Variants in PDE1C observed in about 807,000 individuals in gnomAD.
PDE1C encodes the protein phosphodiesterase 1C.
In PDE1C, 62 loss-of-function variants were observed where a neutral mutation model predicts 93.1. The observed-to-expected ratio is 0.67, with a 90% confidence interval of 0.54 to 0.82. The LOEUF is 0.82. Ranked by LOEUF, PDE1C falls within the 40% of genes least tolerant of loss-of-function variation. The pLI is 0.00. For synonymous variants in PDE1C, 325 were observed against 310.1 expected (o/e 1.05, Z -0.50); for missense variants, 742 against 884.6 (o/e 0.84, Z 2.04).
chr7:32,135,204 C>T (rs1171880886), intron 3 of PDE1C, among the ~76,000 whole-genome samples: 1 of 152,138 alleles, frequency 6.6e-6, no homozygotes, highest in East Asian at 1.9e-4. Flanking sequence ...ATAGAGAAAA[C>T]TGCATTTACC....
At chr7:31,946,924 G>C (rs986229476) in intron 2 of PDE1C, among the ~76,000 whole-genome samples, 10 of 152,182 alleles carry the variant, frequency 6.6e-5, no homozygotes, top group Non-Finnish European at 1.5e-4. Context: ...TATCAGGCAG[G>C]AGGAACTGAA....
At chr7:31,832,936 T>C (rs1440968368) in intron 11 of PDE1C, among the ~76,000 whole-genome samples, 1 of 152,178 alleles carries the variant, frequency 6.6e-6, no homozygotes, top group African/African-American at 2.4e-5. Context: ...CCTTTCGCCA[T>C]GGACCAAATA....
At chr7:32,102,699 A>C (rs954587212) in intron 3 of PDE1C, among the ~76,000 whole-genome samples, 6 of 152,230 alleles carry the variant, frequency 3.9e-5, no homozygotes, top group African/African-American at 1.4e-4. Flanking sequence ...AAAGGCACAA[A>C]GGATGACTTT....
intron 2 of PDE1C, among the ~76,000 whole-genome samples, chr7:31,975,276 G>T (rs541828362): frequency 6.6e-6 from 1 of 152,184 alleles, no homozygotes; most frequent in African/African-American, 2.4e-5. Flanking sequence ...TGACTTTCTG[G>T]GTAGAATTGG....
chr7:31,930,211 A>T lies in PDE1C; in HGVS notation c.129-49351T>A, dbSNP rs532147316. ...ACATACACCCTCCCAGGACTAAAAC[A>T]GGAGGAAGTCCCTGAATAGACCAAT... On this transcript the variant is annotated intron_variant, in intron 2 of 17. Coordinates refer to ENST00000396191, the MANE Select transcript of PDE1C (RefSeq NM_001191057.4). Among the ~76,000 whole-genome samples the T allele has an allele frequency of 2.6e-5, 4 of 152,260 alleles. No homozygotes were observed. In the East Asian group the frequency reaches 7.7e-4, roughly 29 times the overall value.
chr7:31,721,113 G>C, the PDE1C span, among the ~76,000 whole-genome samples: 1 of 152,272 alleles, frequency 6.6e-6, no homozygotes, highest in African/African-American at 2.4e-5. Flanking sequence ...CTTGGCAAAA[G>C]GGAGAACATT....
rs116972359 is a variant in PDE1C, at chr7:32,395,067, G to A, written c.310+32755C>T. ...GCCTCAGGTATTCCTTTAGAGCAAC[G>A]GCAAAATGAATTGAGACAACTGCGA... On this transcript the variant is annotated intron_variant, in intron 1 of 1. Coordinates refer to the PDE1C transcript ENST00000672256. Among the ~76,000 whole-genome samples, 1,367 of 152,190 alleles carry A rather than the reference G, an allele frequency of 9.0e-3. 14 individuals are homozygous for A. Among genetic ancestry groups the A allele is most frequent in the Non-Finnish European group, 0.012 (817 of 68,004 alleles).
chr7:32,394,504 C>T (rs894124988), intron 1 of PDE1C, among the ~76,000 whole-genome samples: 1 of 152,130 alleles, frequency 6.6e-6, no homozygotes, highest in African/African-American at 2.4e-5. Context: ...TCCTGTGAGA[C>T]CTGGTTATTA....
chr7:32,200,125 G>A (rs1007971023), intron 2 of PDE1C, among the ~76,000 whole-genome samples: 3 of 152,090 alleles, frequency 2.0e-5, no homozygotes, highest in East Asian at 1.9e-4. Context: ...AAGGACACTC[G>A]ACCTGCATCT....
At chr7:32,372,923 T>G (rs1468600689) in intron 1 of PDE1C, among the ~76,000 whole-genome samples, 1 of 152,208 alleles carries the variant, frequency 6.6e-6, no homozygotes, top group Non-Finnish European at 1.5e-5. Flanking sequence ...CCACTGCATA[T>G]CCACAAAGAT....
intron 3 of PDE1C, among the ~76,000 whole-genome samples, chr7:32,132,529 G>T (rs1799977626): frequency 6.6e-6 from 1 of 152,052 alleles, no homozygotes; most frequent in Non-Finnish European, 1.5e-5. Flanking sequence ...AGCCGGGTGT[G>T]GTGGCACATG....
chr7:31,678,916 T>C, the PDE1C span, among the ~76,000 whole-genome samples: 1 of 152,194 alleles, frequency 6.6e-6, no homozygotes, highest in African/African-American at 2.4e-5. Context: ...GTTACAGATA[T>C]GCAAAATTGA....
rs371694230 is a variant in PDE1C, at chr7:31,894,448, T to A, written c.129-13588A>T. Reference sequence around the variant, plus strand: ...GTAAATAGAACAAAATAAGCATATTTGCTGGAAGTGAGGCTGGTCTTTAAA... The same window carrying A: ...GTAAATAGAACAAAATAAGCATATTAGCTGGAAGTGAGGCTGGTCTTTAAA... On this transcript the variant is annotated intron_variant, in intron 2 of 17. Coordinates refer to ENST00000396191, the MANE Select transcript of PDE1C (RefSeq NM_001191057.4). Among the ~76,000 whole-genome samples, 52 of 152,346 alleles carry A rather than the reference T, an allele frequency of 3.4e-4. No individual in the cohort carries two copies. The East Asian group carries it at 9.6e-3, about 28-fold the overall frequency.
intron 1 of PDE1C, among the ~76,000 whole-genome samples, chr7:32,426,211 A>T: frequency 6.6e-6 from 1 of 150,594 alleles, no homozygotes; most frequent in East Asian, 1.9e-4. Context: ...TTTGCAACAC[A>T]TTTTTGCCTC....
At chr7:31,694,856 T>C in the PDE1C span, among the ~76,000 whole-genome samples, 3 of 151,864 alleles carry the variant, frequency 2.0e-5, no homozygotes, top group Non-Finnish European at 2.9e-5. Flanking sequence ...ATGCAGAGGA[T>C]TGAGAAAAGT....
At chr7:32,175,890 T>C (rs1802953347) in intron 2 of PDE1C, among the ~76,000 whole-genome samples, 3 of 152,196 alleles carry the variant, frequency 2.0e-5, no homozygotes, top group African/African-American at 2.4e-5. Flanking sequence ...TTGTGTCCCA[T>C]GGAATGCAAT....
Position 31,837,230 on chromosome 7 carries a change from C to A in PDE1C, c.1153G>T (p.Asp385Tyr). The A allele has an allele frequency of 6.2e-7, 1 of 1,613,798 alleles. No homozygotes were observed. The highest frequency in any genetic ancestry group is 1.1e-5 in the South Asian group (1 of 91,056). ...ADISHPAKAW[D>Y]LHHRWTMSLL... ...GACATTGTCCAGCGATGATGGAGGT[C>A]CCATGCTTTTGCTGGATGGCTAATA... is the stretch of plus-strand genomic sequence containing the variant. Residue 385 changes from aspartate to tyrosine, a missense_variant, in exon 11 of 18, where the codon GAC becomes TAC. Physicochemically the swap from Asp to Tyr is radical, Grantham distance 160 (BLOSUM62 -3). Around this residue, in one of 4 missense-constraint regions of PDE1C, gnomAD observed 454 missense variants for 459.4 expected, o/e 0.99. Transcript: ENST00000396191.
At chr7:32,161,732 G>A (rs1371680465) in intron 3 of PDE1C, among the ~76,000 whole-genome samples, 1 of 152,196 alleles carries the variant, frequency 6.6e-6, no homozygotes, top group African/African-American at 2.4e-5. Context: ...CACATTGGCA[G>A]GGTGAGTTAG....
intron 2 of PDE1C, among the ~76,000 whole-genome samples, chr7:32,023,413 C>G (rs1041926111): frequency 6.6e-6 from 1 of 151,976 alleles, no homozygotes; most frequent in African/African-American, 2.4e-5. Flanking sequence ...CATACTTAAG[C>G]GCAAATGAAT....
Sources: gnomAD v4.1 joint callset for allele counts (sites outside exome capture counted in the v4.1 genomes callset) on GRCh38, gnomAD v4.1.1 for gene constraint, gnomAD v4.1.1 regional missense constraint, MANE v1.5 for transcripts, NCBI Gene and HGNC (gene_info 2026-07-23, HGNC 2026-07-21) for gene names.